Variants in GDAP1 observed in about 807,000 individuals in gnomAD.
The protein encoded by GDAP1 is ganglioside induced differentiation associated protein 1.
Under a neutral mutation model 40.1 loss-of-function variants are expected in GDAP1, and 34 were observed. The observed-to-expected ratio is 0.85, with a 90% CI of 0.64 to 1.13. GDAP1 has a LOEUF of 1.13. Among genes scored for constraint, GDAP1 ranks in the 50% most tolerant of loss-of-function variants. The pLI, the probability that GDAP1 is intolerant of heterozygous loss-of-function variation, is 0.00. For missense variants in GDAP1, 374 were observed against 433.7 expected (o/e 0.86, Z 1.22); for synonymous variants, 170 against 157.4 (o/e 1.08, Z -0.60).
At chr8:74,372,059 G>A (rs922673598) in intron 2 of GDAP1, among the ~76,000 whole-genome samples, 9 of 151,908 alleles carry the variant, frequency 5.9e-5, no homozygotes, top group African/African-American at 1.7e-4. Flanking sequence ...GAGAATGATG[G>A]TTTCCAGCTT....
intron 2 of GDAP1, among the ~76,000 whole-genome samples, chr8:74,465,623 A>G (rs547226765): frequency 6.6e-6 from 1 of 152,216 alleles, no homozygotes; most frequent in South Asian, 2.1e-4. Context: ...CAAGCCTCCA[A>G]TTGCTCTTAG....
chr8:74,470,712 A>G (rs1806541171), intron 2 of GDAP1, among the ~76,000 whole-genome samples: 1 of 152,206 alleles, frequency 6.6e-6, no homozygotes, highest in African/African-American at 2.4e-5. Context: ...CGCAATAAAC[A>G]TAGGTATGCA....
At chr8:74,460,999 C>T (rs999916304) in intron 2 of GDAP1, among the ~76,000 whole-genome samples, 6 of 152,070 alleles carry the variant, frequency 3.9e-5, no homozygotes, top group Admixed American at 2.0e-4. Flanking sequence ...AGGGTATTCT[C>T]TATCCTCTTG....
intron 2 of GDAP1, among the ~76,000 whole-genome samples, chr8:74,444,027 A>G (rs1426659195): frequency 1.3e-5 from 1 of 79,018 alleles, no homozygotes; most frequent in Non-Finnish European, 2.7e-5. Flanking sequence ...TCTATCTATC[A>G]TCTATCATCT....
chr8:74,451,300 A>G lies in GDAP1; in HGVS notation c.166-37378A>G, dbSNP rs1233936083. On this transcript the variant is annotated intron_variant, in intron 2 of 2. Transcript: ENST00000523640. ...CCCTGTCTCTACTAAACATACAAAA[A>G]TTAGCCGGGCATGGTGATGCATGCC... Among the ~76,000 whole-genome samples, 2 of 81,962 alleles carry G rather than the reference A, an allele frequency of 2.4e-5. 1 individual carries two copies. Among genetic ancestry groups the G allele is most frequent in the Non-Finnish European group, 4.9e-5 (2 of 40,652 alleles). The allele number at this position is 81,962 out of a possible 152,430, so 53.8% of individuals were successfully genotyped here. A position where few individuals can be genotyped will look rare whatever the true frequency, so the allele number is the denominator to read the frequency against.
At position 74,350,585 on chromosome 8, in the gene GDAP1, C is replaced by CAGGCCTTGGCGGCGG. The variant is rs1563437092; in HGVS notation, c.117+11_117+25dup. On this transcript the variant is annotated splice_region_variant and intron_variant, in intron 1 of 5. Coordinates refer to ENST00000220822, the MANE Select transcript of GDAP1 (RefSeq NM_018972.4). ...TTCCTTCAGCTCTCAAAAGGTACAA[C>CAGGCCTTGGCGGCGG]AGGCCTTGGCGGCGGAGGGTGGCGC... The CAGGCCTTGGCGGCGG allele has an allele frequency of 6.6e-7, 1 of 1,515,168 alleles. No individual in the cohort carries two copies. The highest frequency in any genetic ancestry group is 2.2e-5 in the East Asian group (1 of 44,462). The allele number at this position is 1,515,168 out of a possible 1,614,324, so 93.9% of individuals were successfully genotyped here. A position where few individuals can be genotyped will look rare whatever the true frequency, so the allele number is the denominator to read the frequency against.
intron 2 of GDAP1, among the ~76,000 whole-genome samples, chr8:74,405,281 C>G (rs756115216): frequency 6.7e-6 from 1 of 150,050 alleles, no homozygotes. Flanking sequence ...TTCCACCTGG[C>G]CTGGCCCTTG....
chr8:74,457,609 G>A (rs1428586968), intron 2 of GDAP1, among the ~76,000 whole-genome samples: 2 of 152,120 alleles, frequency 1.3e-5, no homozygotes, highest in Admixed American at 1.3e-4. Flanking sequence ...TTCAACAGAT[G>A]TAAAGGAAGT....
At chr8:74,450,487 AT>A (rs1477355884) in intron 2 of GDAP1, among the ~76,000 whole-genome samples, 1 of 151,738 alleles carries the variant, frequency 6.6e-6, no homozygotes, top group East Asian at 1.9e-4. Flanking sequence ...AGGTCTGTTA[AT>A]TTTTGTTTTA....
intron 2 of GDAP1, among the ~76,000 whole-genome samples, chr8:74,408,416 G>T (rs1586825398): frequency 2.7e-5 from 4 of 150,070 alleles, no homozygotes; most frequent in Admixed American, 2.6e-4. Flanking sequence ...AGGAAGTGGG[G>T]CCTTTGGAAG....
chr8:74,465,750 T>C (rs1429049263), intron 2 of GDAP1, among the ~76,000 whole-genome samples: 4 of 151,064 alleles, frequency 2.6e-5, no homozygotes, highest in African/African-American at 9.7e-5. Flanking sequence ...GGCACACTGA[T>C]AATTTTCAGT....
chr8:74,448,612 T>G (rs1806261128), intron 2 of GDAP1, among the ~76,000 whole-genome samples: 1 of 152,118 alleles, frequency 6.6e-6, no homozygotes, highest in Non-Finnish European at 1.5e-5. Flanking sequence ...GTTTTACTGT[T>G]GTTAGCCAAT....
At chr8:74,397,396 G>C (rs28888760) in intron 2 of GDAP1, among the ~76,000 whole-genome samples, 1 of 151,760 alleles carries the variant, frequency 6.6e-6, no homozygotes, top group Non-Finnish European at 1.5e-5. Context: ...TTTTGTTGCC[G>C]TTGCTTTTGG....
chr8:74,394,751 G>A (rs1290095674), intron 2 of GDAP1, among the ~76,000 whole-genome samples: 3 of 152,116 alleles, frequency 2.0e-5, no homozygotes, highest in East Asian at 3.9e-4. Context: ...GTTAAGCTAA[G>A]CTGGGGATTA....
chr8:74,473,348 T>G (rs1274712869), intron 2 of GDAP1, among the ~76,000 whole-genome samples: 1 of 152,228 alleles, frequency 6.6e-6, no homozygotes, highest in Non-Finnish European at 1.5e-5. Context: ...GTTTTTGATG[T>G]CTTCATTATG....
chr8:74,446,331 A>G (rs1806226408), intron 2 of GDAP1, among the ~76,000 whole-genome samples: 3 of 152,144 alleles, frequency 2.0e-5, no homozygotes, highest in African/African-American at 4.8e-5. Context: ...TTCTTTCTCT[A>G]TTATGATGCA....
At chr8:74,460,544 G>A (rs1806388005) in intron 2 of GDAP1, among the ~76,000 whole-genome samples, 2 of 152,152 alleles carry the variant, frequency 1.3e-5, no homozygotes, top group African/African-American at 4.8e-5. Context: ...TTATGGGAGG[G>A]CCCCTGAAGC....
chr8:74,363,890 T>C, intron 5 of GDAP1, 95 bp from the exon 6 acceptor site: 1 of 976,364 alleles, frequency 1.0e-6, no homozygotes, highest in Non-Finnish European at 1.7e-6. Context: ...TTTGCTATAC[T>C]CACACTCACC....
At chr8:74,481,950 T>C (rs995572857) in intron 2 of GDAP1, among the ~76,000 whole-genome samples, 14 of 151,158 alleles carry the variant, frequency 9.3e-5, no homozygotes, top group African/African-American at 3.4e-4. Context: ...GACATGGGAG[T>C]TGGTCTTTAG....
Sources: allele counts gnomAD v4.1 joint callset (sites outside exome capture counted in the v4.1 genomes callset), GRCh38; gene constraint gnomAD v4.1.1; transcripts MANE v1.5; gene names NCBI Gene and HGNC (gene_info 2026-07-23, HGNC 2026-07-21).